SHROOM2: variants seen among roughly 807,000 people sequenced by gnomAD.
SHROOM2 encodes protein Shroom2.
In SHROOM2, 33 loss-of-function variants were observed where a neutral mutation model predicts 75.9. The observed-to-expected ratio is 0.43, with a 90% confidence interval of 0.33 to 0.58. The LOEUF (loss-of-function observed/expected upper bound fraction) is 0.58, where lower values mean the gene tolerates loss of function less well. SHROOM2 is among the 20% of genes least tolerant of loss of function. The pLI is 0.04. For missense variants in SHROOM2, 1,434 were observed against 1,461.2 expected, an observed-to-expected ratio of 0.98 and a Z score of 0.30; for synonymous variants, 655 against 663.6, an observed-to-expected ratio of 0.99 and a Z score of 0.20.
At chrX:9,818,381 AT>A in intron 1 of SHROOM2, 1 of 245,487 alleles carries the variant, frequency 4.1e-6, no homozygotes, top group Non-Finnish European at 8.3e-6. Context: ...CTCTGCCTCC[AT>A]TTTATAAATG....
In SHROOM2 at chrX:9,823,756, C is replaced by CTTTTTTT. The variant is rs1293537759; in HGVS notation, c.165+37052_165+37053insTTTTTTT. ...ACATTTTTTTTCTTTTTTCTTTTTT[C>CTTTTTTT]TTTTTTCTTTTTTTTTTTTTGAGAC... On this transcript the variant is annotated intron_variant, in intron 1 of 9. Coordinates refer to ENST00000380913, the MANE Select transcript of SHROOM2 (RefSeq NM_001649.4). 2.4e-4 allele frequency among the ~76,000 whole-genome samples: 21 copies of CTTTTTTT among 85,913 alleles called. 2 individuals are homozygous for CTTTTTTT. The highest frequency in any genetic ancestry group is 4.6e-4 in the Admixed American group (3 of 6,494). The allele number at this position is 85,913 out of a possible 115,157, so 74.6% of individuals were successfully genotyped here. A position where few individuals can be genotyped will look rare whatever the true frequency, so the allele number is the denominator to read the frequency against.
chrX:9,913,940 T>C (rs985392784), intron 5 of SHROOM2, among the ~76,000 whole-genome samples: 1 of 111,842 alleles, frequency 8.9e-6, no homozygotes, highest in Non-Finnish European at 1.9e-5. Context: ...TTTCTTATTA[T>C]TTTATTGCGG....
At chrX:9,786,992 G>A (rs780497701) in intron 1 of SHROOM2, among the ~76,000 whole-genome samples, 1 of 111,327 alleles carries the variant, frequency 9.0e-6, no homozygotes, top group East Asian at 2.9e-4. Flanking sequence ...TGGCGCTCCC[G>A]GGCCCGCCAG....
Position 9,873,809 on chromosome X carries a change from A to G in SHROOM2, c.317+6A>G. ...CTGAAGCTGGTCGTCAAAAGGTAAG[A>G]TCTGAGCTTCCTCCCACATTTACCA... On this transcript the variant is annotated splice_donor_region_variant and intron_variant, in intron 2 of 9. Coordinates refer to ENST00000380913, the MANE Select transcript of SHROOM2 (RefSeq NM_001649.4). 8.3e-7 allele frequency: 1 copy of G among 1,209,251 alleles called. No homozygotes were observed.
At chrX:9,901,081 C>T (rs1046814946) in intron 5 of SHROOM2, among the ~76,000 whole-genome samples, 2 of 111,136 alleles carry the variant, frequency 1.8e-5, no homozygotes, top group African/African-American at 6.5e-5. Flanking sequence ...AAGGTGTGAG[C>T]AGGGCTGGTT....
At chrX:9,917,244 T>C (rs2084498451) in intron 5 of SHROOM2, among the ~76,000 whole-genome samples, 1 of 112,049 alleles carries the variant, frequency 8.9e-6, no homozygotes, top group African/African-American at 3.2e-5. Context: ...CATTCTCGTG[T>C]CCGGTCTGCT....
At chrX:9,865,165 C>T (rs1269221674) in intron 1 of SHROOM2, 1 of 112,217 alleles carries the variant, frequency 8.9e-6, no homozygotes, top group African/African-American at 3.2e-5. Flanking sequence ...CAGTCAAAGC[C>T]TCTCATAAAA....
At chrX:9,933,550 C>T (rs1460207247) in intron 6 of SHROOM2, among the ~76,000 whole-genome samples, 2 of 111,720 alleles carry the variant, frequency 1.8e-5, no homozygotes, top group African/African-American at 6.5e-5. Flanking sequence ...GCAGGTGGAT[C>T]GCTTGAGCTG....
intron 1 of SHROOM2, chrX:9,865,189 AC>A (rs2084128031): frequency 8.9e-6 from 1 of 112,099 alleles, no homozygotes; most frequent in South Asian, 3.7e-4. Context: ...ATACCAAAAA[AC>A]AACTAGCAAA....
chrX:9,904,570 A>C (rs1318944786), intron 5 of SHROOM2, among the ~76,000 whole-genome samples: 1 of 111,755 alleles, frequency 8.9e-6, no homozygotes, highest in Non-Finnish European at 1.9e-5. Flanking sequence ...CTCCCGTAGC[A>C]CGTGCTGACG....
chrX:9,893,240 C>G (rs1343714365), intron 3 of SHROOM2, among the ~76,000 whole-genome samples: 1 of 111,764 alleles, frequency 8.9e-6, no homozygotes, highest in Non-Finnish European at 1.9e-5. Flanking sequence ...GTAGCTGGGA[C>G]TACAGGCATG....
chrX:9,895,012 G>A lies in SHROOM2; in HGVS notation c.1104G>A (p.Arg368=), dbSNP rs780990917. The part of the protein sequence containing the change: ...RGDRRPELTD[R]PWRSAHPGSL... ...ACCGGAGACCAGAGCTCACCGATCG[G>A]CCTTGGAGGTCAGCACACCCGGGGA... is the stretch of plus-strand genomic sequence containing the variant. Residue 368 remains arginine (R), a synonymous_variant, in exon 4 of 10, where the codon CGG becomes CGA. Coordinates refer to ENST00000380913, the MANE Select transcript of SHROOM2 (RefSeq NM_001649.4). 6 of 1,209,709 alleles carry A rather than the reference G, an allele frequency of 5.0e-6. No individual in the cohort carries two copies. In the Admixed American group the frequency reaches 8.7e-5, roughly 18 times the overall value.
chrX:9,894,445 CA>C lies in SHROOM2; in HGVS notation c.538del (p.Ser180AlafsTer281), dbSNP rs1280547663. The part of the protein sequence containing the change: ...DHFSSLGSVD[S>X]LDHPSSRLSV... Reference sequence around the variant, plus strand: ...ACTTCAGCTCCTTGGGGAGCGTTGACAGCCTGGACCACCCCTCCAGTCGCCT... The same window carrying C: ...ACTTCAGCTCCTTGGGGAGCGTTGACGCCTGGACCACCCCTCCAGTCGCCT... On this transcript the variant is annotated frameshift_variant, in exon 4 of 10. Transcript: ENST00000380913. LOFTEE classifies it high-confidence loss of function. The C allele has an allele frequency of 8.3e-7, 1 of 1,210,988 alleles. No homozygotes were observed. Among genetic ancestry groups the C allele is most frequent in the Admixed American group, 2.2e-5 (1 of 45,999 alleles).
chrX:9,869,811 ATTG>A lies in SHROOM2; in HGVS notation c.166-3832_166-3830del, dbSNP rs202203546. On this transcript the variant is annotated intron_variant, in intron 1 of 9. Transcript: ENST00000380913. ...CTCTGTCCTTTGAAATTTATTTTTTATTGTTGTTGTTTTTTAATGCAAATTTAT... is the reference window on the plus strand; with the variant it reads ...CTCTGTCCTTTGAAATTTATTTTTTATTGTTGTTTTTTAATGCAAATTTAT... Among the ~76,000 whole-genome samples the A allele has an allele frequency of 8.2e-4, 92 of 112,438 alleles. 2 individuals carry two copies. The East Asian group carries it at 0.02, about 24-fold the overall frequency.
At chrX:9,935,745 A>C (rs2084697287) in intron 6 of SHROOM2, among the ~76,000 whole-genome samples, 1 of 111,752 alleles carries the variant, frequency 8.9e-6, no homozygotes, top group Admixed American at 9.5e-5. Context: ...AATTTAGAGC[A>C]TCGTGGCTGC....
chrX:9,891,015 C>T lies in SHROOM2; in HGVS notation c.356C>T (p.Ala119Val). 8.3e-7 allele frequency: 1 copy of T among 1,205,275 alleles called. No individual in the cohort carries two copies. The highest frequency in any genetic ancestry group is 1.1e-6 in the Non-Finnish European group (1 of 892,362). The change falls in exon 3 of 10, where the codon GCC becomes GTC. Residue 119 changes from alanine to valine, a missense_variant. This residue lies in a region of SHROOM2 where 1,340 missense variants were observed against 1,338.3 expected (regional missense o/e 1.00). Transcript: ENST00000380913. ...GGCTGGAGGCCTCACTCCTGGCATGCCACCAAGTTCTCTGACAGCCACCCC... is the reference window on the plus strand; with the variant it reads ...GGCTGGAGGCCTCACTCCTGGCATGTCACCAAGTTCTCTGACAGCCACCCC... ...ELGWRPHSWH[A>V]TKFSDSHPEL...
In SHROOM2 at chrX:9,932,956, G is replaced by A. The variant is rs2084666188; in HGVS notation, c.3587+86G>A. The A allele has an allele frequency of 1.1e-5, 9 of 814,748 alleles. No individual in the cohort carries two copies. In the East Asian group the frequency reaches 1.3e-4, roughly 12 times the overall value. 67.1% of individuals were successfully genotyped at this position (814,748 alleles called of 1,213,427 possible). A position where few individuals can be genotyped will look rare whatever the true frequency, so the allele number is the denominator to read the frequency against. On this transcript the variant is annotated intron_variant, in intron 6 of 9. Transcript: ENST00000380913. ...AGTGGGTCTTTCTGGGGAGTCACCTGGGCACCTTGCTTTAGCTCAAGGCGT... is the reference window on the plus strand; with the variant it reads ...AGTGGGTCTTTCTGGGGAGTCACCTAGGCACCTTGCTTTAGCTCAAGGCGT...
At chrX:9,806,291 A>G (rs1163319044) in intron 1 of SHROOM2, among the ~76,000 whole-genome samples, 1 of 110,757 alleles carries the variant, frequency 9.0e-6, no homozygotes, top group Non-Finnish European at 1.9e-5. Context: ...GCTGGGGCCC[A>G]TGAACATGTT....
chrX:9,794,911 T>C (rs752906240), intron 1 of SHROOM2, among the ~76,000 whole-genome samples: 11 of 111,849 alleles, frequency 9.8e-5, no homozygotes, highest in Non-Finnish European at 1.5e-4. Flanking sequence ...CTTCTCTGTC[T>C]GAAAACAGCA....
Sources: gnomAD v4.1 joint callset for allele counts (sites outside exome capture counted in the v4.1 genomes callset) on GRCh38, gnomAD v4.1.1 for gene constraint, gnomAD v4.1.1 regional missense constraint, MANE v1.5 for transcripts, NCBI Gene and HGNC (gene_info 2026-07-23, HGNC 2026-07-21) for gene names.